Variants in CCDC60 observed in about 807,000 individuals in gnomAD.
CCDC60 encodes coiled-coil domain containing 60.
Under a neutral mutation model 63.5 loss-of-function variants are expected in CCDC60, and 54 were observed. That is an observed-to-expected ratio of 0.85 (90% CI 0.68 to 1.07). CCDC60 has a LOEUF of 1.07. CCDC60 is among the 50% of genes least tolerant of loss of function. The pLI is 0.00. For missense variants in CCDC60, 651 were observed against 684.3 expected (o/e 0.95, Z 0.54); for synonymous variants, 206 against 238.8 (o/e 0.86, Z 1.27).
rs186404671 is a variant in CCDC60, at chr12:119,464,071, G to A, written c.171-7923G>A. ...TCCCATTTTCCCTTCCTTCCTCTGC[G>A]CCTGGCCCAGAGATTTATTTAATTC... On this transcript the variant is annotated intron_variant, in intron 2 of 13. Coordinates refer to ENST00000327554, the MANE Select transcript of CCDC60 (RefSeq NM_178499.5). 1.4e-4 allele frequency among the ~76,000 whole-genome samples: 14 copies of A among 102,204 alleles called. 3 individuals carry two copies. The highest frequency in any genetic ancestry group is 8.1e-4 in the East Asian group (2 of 2,454). 67.0% of individuals were successfully genotyped at this position (102,204 alleles called of 152,430 possible).
chr12:119,444,517 T>C (rs1368379065), intron 2 of CCDC60, among the ~76,000 whole-genome samples: 1 of 152,236 alleles, frequency 6.6e-6, no homozygotes, highest in Non-Finnish European at 1.5e-5. Context: ...ACGTGAATTA[T>C]TCATGGGAAG....
rs556783132 is a variant in CCDC60 at position 119,418,386 on chromosome 12, C to CTTTTTTTTTTTTTTTTTTTTTTTTTTTT, written c.91-10278_91-10251dup. On this transcript the variant is annotated intron_variant, in intron 1 of 13. Coordinates refer to ENST00000327554, the MANE Select transcript of CCDC60 (RefSeq NM_178499.5). ...TCTTTCTTTTTCCTTTTCTTTCTTT[C>CTTTTTTTTTTTTTTTTTTTTTTTTTTTT]TTTTTTTTTTTTTTTTTTTTTTTTT... Among the ~76,000 whole-genome samples the CTTTTTTTTTTTTTTTTTTTTTTTTTTTT allele has an allele frequency of 6.1e-5, 4 of 65,760 alleles. 2 individuals are homozygous for CTTTTTTTTTTTTTTTTTTTTTTTTTTTT. Among genetic ancestry groups the CTTTTTTTTTTTTTTTTTTTTTTTTTTTT allele is most frequent in the Non-Finnish European group, 1.1e-4 (4 of 37,254 alleles). 43.1% of individuals were successfully genotyped at this position (65,760 alleles called of 152,430 possible).
At chr12:119,524,852 G>A (rs746235887) in intron 11 of CCDC60, among the ~76,000 whole-genome samples, 1 of 150,808 alleles carries the variant, frequency 6.6e-6, no homozygotes, top group Non-Finnish European at 1.5e-5. Context: ...TATTTTTACA[G>A]ATAGGGTCTT....
At chr12:119,489,944 T>C (rs1444953561) in intron 5 of CCDC60, among the ~76,000 whole-genome samples, 12 of 151,936 alleles carry the variant, frequency 7.9e-5, no homozygotes, top group African/African-American at 2.7e-4. Flanking sequence ...ACTACAGACA[T>C]GCACCACCAT....
At chr12:119,394,256 G>C (rs1956211374) in intron 1 of CCDC60, among the ~76,000 whole-genome samples, 1 of 152,212 alleles carries the variant, frequency 6.6e-6, no homozygotes, top group Non-Finnish European at 1.5e-5. Flanking sequence ...CCACTGGGAA[G>C]CAGAAGCTTG....
intron 5 of CCDC60, 79 bp downstream of exon 5, chr12:119,488,945 C>A: frequency 8.5e-7 from 1 of 1,179,218 alleles, no homozygotes; most frequent in Non-Finnish European, 1.3e-6. Flanking sequence ...TGTTCTTCCA[C>A]TCCCTTTGCT....
intron 1 of CCDC60, among the ~76,000 whole-genome samples, chr12:119,399,992 A>G (rs944533449): frequency 6.6e-6 from 1 of 151,178 alleles, no homozygotes; most frequent in African/African-American, 2.4e-5. Flanking sequence ...CTACTAAGCT[A>G]GTGATGCTAT....
chr12:119,477,878 CA>C (rs1440080327), intron 3 of CCDC60, among the ~76,000 whole-genome samples: 21 of 152,048 alleles, frequency 1.4e-4, no homozygotes, highest in African/African-American at 4.8e-4. Flanking sequence ...TTTTAAAATA[CA>C]GACAATTGAT....
At position 119,334,757 on chromosome 12, in the gene CCDC60, G is replaced by C. The variant is rs1223375796; in HGVS notation, c.-420G>C. On this transcript the variant is annotated 5_prime_UTR_variant, in exon 1 of 14. Coordinates refer to ENST00000327554, the MANE Select transcript of CCDC60 (RefSeq NM_178499.5). ...GTGCGATAAACCCCTCGTTGGGGCC[G>C]CCTTAGTTCTCGGCCGCTCTCGGAG... 1 of 148,998 alleles carries C rather than the reference G, an allele frequency of 6.7e-6. No homozygotes were observed. The highest frequency in any genetic ancestry group is 1.5e-5 in the Non-Finnish European group (1 of 67,642). The allele number at this position is 148,998 out of a possible 1,614,324, so 9.2% of individuals were successfully genotyped here. A position where few individuals can be genotyped will look rare whatever the true frequency, so the allele number is the denominator to read the frequency against.
At chr12:119,532,327 A>G (rs814161) in intron 13 of CCDC60, among the ~76,000 whole-genome samples, 1 of 151,556 alleles carries the variant, frequency 6.6e-6, no homozygotes, top group Non-Finnish European at 1.5e-5. Context: ...CCTCTTTTAT[A>G]TGAGGTGAGT....
chr12:119,414,775 CGCCTG>C (rs936957777), intron 1 of CCDC60, among the ~76,000 whole-genome samples: 1 of 152,044 alleles, frequency 6.6e-6, no homozygotes, highest in Non-Finnish European at 1.5e-5. Context: ...TGGTCTCAAA[CGCCTG>C]GCCTCAACTG....
chr12:119,371,631 CG>C (rs1008763087), intron 1 of CCDC60, among the ~76,000 whole-genome samples: 1 of 152,214 alleles, frequency 6.6e-6, no homozygotes, highest in African/African-American at 2.4e-5. Context: ...ATCTCAGAAG[CG>C]CTCCCAAGTT....
intron 1 of CCDC60, among the ~76,000 whole-genome samples, chr12:119,380,127 C>T (rs1047928431): frequency 2.6e-5 from 4 of 152,206 alleles, no homozygotes; most frequent in Admixed American, 6.5e-5. Flanking sequence ...GGCCAAGTGT[C>T]TCAGAGGCTT....
At position 119,345,245 on chromosome 12, in the gene CCDC60, C is replaced by T. The variant is rs546907767; in HGVS notation, c.90+9979C>T. On this transcript the variant is annotated intron_variant, in intron 1 of 13. Coordinates refer to ENST00000327554, the MANE Select transcript of CCDC60 (RefSeq NM_178499.5). ...GAGGCTGGGCACGGTGGCTCATGCCCGTAATCCCAGCACTTTGGGAAGCCA... is the reference window on the plus strand; with the variant it reads ...GAGGCTGGGCACGGTGGCTCATGCCTGTAATCCCAGCACTTTGGGAAGCCA... 9.9e-4 allele frequency among the ~76,000 whole-genome samples: 151 copies of T among 152,200 alleles called. 1 individual carries two copies. The highest frequency in any genetic ancestry group is 3.4e-3 in the African/African-American group (141 of 41,540).
intron 1 of CCDC60, among the ~76,000 whole-genome samples, chr12:119,355,970 T>C (rs1017590581): frequency 6.6e-6 from 1 of 152,184 alleles, no homozygotes; most frequent in Admixed American, 6.5e-5. Context: ...TACTCCAGTG[T>C]CCAAGTCCCA....
At chr12:119,522,302 A>G (rs1274613918) in intron 9 of CCDC60, among the ~76,000 whole-genome samples, 1 of 152,182 alleles carries the variant, frequency 6.6e-6, no homozygotes, top group African/African-American at 2.4e-5. Flanking sequence ...GGGGCTCTTC[A>G]TCCCCCTCTA....
chr12:119,374,695 C>G (rs1955933361), intron 1 of CCDC60, among the ~76,000 whole-genome samples: 1 of 152,118 alleles, frequency 6.6e-6, no homozygotes, highest in Non-Finnish European at 1.5e-5. Context: ...GTGGCATGGG[C>G]TGCTTAACTG....
intron 4 of CCDC60, 66 bp downstream of exon 4, chr12:119,479,267 C>A: frequency 9.0e-7 from 1 of 1,107,350 alleles, no homozygotes; most frequent in Non-Finnish European, 1.4e-6. Flanking sequence ...ACTGAAATGA[C>A]TCAACGAGCT....
chr12:119,359,891 C>T (rs12372348), intron 1 of CCDC60, among the ~76,000 whole-genome samples: 40,439 of 149,784 alleles, frequency 0.27, 7,141 homozygotes, highest in East Asian at 0.82. Flanking sequence ...AGAAGAATTT[C>T]TCTTAGTACA....
Sources: allele counts gnomAD v4.1 joint callset (sites outside exome capture counted in the v4.1 genomes callset), GRCh38; gene constraint gnomAD v4.1.1; transcripts MANE v1.5; gene names NCBI Gene and HGNC (gene_info 2026-07-23, HGNC 2026-07-21).